SPTAN1: variants seen among roughly 807,000 people sequenced by gnomAD.
SPTAN1 encodes spectrin alpha, non-erythrocytic 1, also known as spectrin alpha chain, non-erythrocytic 1.
Under a neutral mutation model 331.3 loss-of-function variants are expected in SPTAN1, and 61 were observed. The observed-to-expected ratio is 0.18, with a 90% confidence interval of 0.15 to 0.23. The LOEUF is 0.23. Ranked by LOEUF, SPTAN1 falls within the 10% of genes least tolerant of loss-of-function variation. SPTAN1 has a pLI of 1.00. For missense variants in SPTAN1, 2,043 were observed against 3,147.9 expected (o/e 0.65, Z 8.40); for synonymous variants, 1,153 against 1,173.9 (o/e 0.98, Z 0.36).
intron 37 of SPTAN1, among the ~76,000 whole-genome samples, chr9:128,610,709 A>G (rs1489827557): frequency 2.0e-5 from 3 of 152,204 alleles, no homozygotes; most frequent in Non-Finnish European, 4.4e-5. Context: ...ATGGATTCAT[A>G]AAAACCATAT....
intron 24 of SPTAN1, 29 bp downstream of exon 24, chr9:128,594,402 A>C (rs556030395): frequency 2.3e-5 from 33 of 1,451,554 alleles, no homozygotes; most frequent in Non-Finnish European, 3.2e-5. Context: ...CTCAGCTGAA[A>C]ATTTGTTTAA....
At chr9:128,592,934 A>G in intron 22 of SPTAN1, 49 bp from the exon 23 acceptor site, 3 of 1,559,416 alleles carry the variant, frequency 1.9e-6, no homozygotes, top group Non-Finnish European at 2.6e-6. Flanking sequence ...ATCCCTGTGG[A>G]TTAACCCCAC....
In SPTAN1 at chr9:128,633,562, T is replaced by G; in HGVS notation, c.*228T>G. ...TGAAGCAGCTGCCCTCATTCCGACT[T>G]CAGAAAATCGAAGCAGCTGGCTCCT... On this transcript the variant is annotated 3_prime_UTR_variant, in exon 57 of 57. Transcript: ENST00000372739. 1 of 1,066,398 alleles carries G rather than the reference T, an allele frequency of 9.4e-7. No individual in the cohort carries two copies. 66.1% of individuals were successfully genotyped at this position (1,066,398 alleles called of 1,614,324 possible).
intron 26 of SPTAN1, chr9:128,599,242 C>G (rs933914020): frequency 4.2e-6 from 2 of 478,546 alleles, no homozygotes; most frequent in African/African-American, 3.9e-5. Context: ...TCAAGCGATT[C>G]TCCCATCTCA....
Position 128,585,739 on chromosome 9 carries a change from A to G in SPTAN1, c.2561-9A>G. The G allele has an allele frequency of 1.9e-6, 3 of 1,613,350 alleles. No individual in the cohort carries two copies. Among genetic ancestry groups the G allele is most frequent in the South Asian group, 2.2e-5 (2 of 91,068 alleles). ...TTTTTGTTATCCTCTTTCCCTACCC[A>G]TCTTCCAGGCCATTTTGCTGCAGAG... On this transcript the variant is annotated splice_polypyrimidine_tract_variant and intron_variant, in intron 18 of 56. Coordinates refer to ENST00000372739, the MANE Select transcript of SPTAN1 (RefSeq NM_001130438.3).
At chr9:128,572,358 G>A (rs757550644) in intron 3 of SPTAN1, among the ~76,000 whole-genome samples, 1 of 152,096 alleles carries the variant, frequency 6.6e-6, no homozygotes, top group Non-Finnish European at 1.5e-5. Context: ...GCCCACTCAC[G>A]CTCTCAAATA....
rs1488475831 is a variant in SPTAN1, at chr9:128,584,540, C to T, written c.2437+15C>T. On this transcript the variant is annotated intron_variant, in intron 17 of 56. Transcript: ENST00000372739. ...TACCAACAGAGGTCAGTCTGCTTCC[C>T]TCAGGTAGGAATCAACTTGGGAAAG... 6.2e-7 allele frequency: 1 copy of T among 1,613,918 alleles called. No homozygotes were observed. Among genetic ancestry groups the T allele is most frequent in the African/African-American group, 1.3e-5 (1 of 74,908 alleles).
rs546089356 is a variant in SPTAN1 at position 128,592,924 on chromosome 9, A to G, written c.3156-59A>G. 41 of 1,520,312 alleles carry G rather than the reference A, an allele frequency of 2.7e-5. No individual in the cohort carries two copies. In the Admixed American group the frequency reaches 5.3e-4, roughly 20 times the overall value. 94.2% of individuals were successfully genotyped at this position (1,520,312 alleles called of 1,614,324 possible). A position where few individuals can be genotyped will look rare whatever the true frequency, so the allele number is the denominator to read the frequency against. ...GCACCAGTCGGAGCTGCTGCCTTTC[A>G]TCCCTGTGGATTAACCCCACTAATT... On this transcript the variant is annotated intron_variant, in intron 22 of 56. Transcript: ENST00000372739.
chr9:128,606,374 C>CAAAAAAAAAAAAAAAAAAAA (rs59257779), intron 31 of SPTAN1, among the ~76,000 whole-genome samples: 1 of 58,744 alleles, frequency 1.7e-5, no homozygotes, highest in Non-Finnish European at 3.1e-5. Flanking sequence ...GACTCTGCCT[C>CAAAAAAAAAAAAAAAAAAAA]AAAAAAAAAA....
intron 36 of SPTAN1, 27 bp from the exon 37 acceptor site, chr9:128,609,623 CT>C: frequency 6.6e-7 from 1 of 1,519,628 alleles, no homozygotes; most frequent in Non-Finnish European, 8.8e-7. Context: ...GTGTACTGAA[CT>C]CTTGTTCTTT....
intron 23 of SPTAN1, 34 bp from the exon 24 acceptor site, chr9:128,594,141 T>C (rs1853908517): frequency 3.7e-6 from 6 of 1,611,920 alleles, no homozygotes; most frequent in Non-Finnish European, 5.1e-6. Flanking sequence ...ACTGCCTTCC[T>C]TGTCCCTCTT....
intron 1 of SPTAN1, among the ~76,000 whole-genome samples, chr9:128,555,620 CTTTTT>C (rs751209866): frequency 3.2e-4 from 16 of 49,444 alleles, no homozygotes; most frequent in Non-Finnish European, 6.8e-4. Context: ...TTTGCAAAGC[CTTTTT>C]TTTTTTTTTT....
chr9:128,611,607 C>G, intron 37 of SPTAN1, 107 bp from the exon 38 acceptor site: 1 of 1,327,046 alleles, frequency 7.5e-7, no homozygotes, highest in Admixed American at 1.9e-5. Flanking sequence ...GCATTTACCC[C>G]AGTTCTTTAT....
In SPTAN1 at chr9:128,627,190, T is replaced by A. The variant is rs1255746642; in HGVS notation, c.6577-196T>A. 3.1e-6 allele frequency: 2 copies of A among 649,224 alleles called. No individual in the cohort carries two copies. Among genetic ancestry groups the A allele is most frequent in the South Asian group, 1.6e-5 (1 of 60,908 alleles). The allele number at this position is 649,224 out of a possible 1,614,324, so 40.2% of individuals were successfully genotyped here. A position where few individuals can be genotyped will look rare whatever the true frequency, so the allele number is the denominator to read the frequency against. ...CTTCCCTCCAGGTCCGCCTCTTCCTTGAAGCCCCTGGGGGGTGGGAACAGA... is the reference window on the plus strand; with the variant it reads ...CTTCCCTCCAGGTCCGCCTCTTCCTAGAAGCCCCTGGGGGGTGGGAACAGA... On this transcript the variant is annotated intron_variant, in intron 49 of 56. Transcript: ENST00000372739. This position sits in a 1 kb window ranked among gnomAD's most constrained non-coding sequence, Gnocchi z 4.9.
At position 128,583,866 on chromosome 9, in the gene SPTAN1, T is replaced by C; in HGVS notation, c.2090T>C (p.Val697Ala). ...VEDIELWLYE[V>A]EGHLASDDYG... Reference sequence around the variant, plus strand: ...GATATTGAATTGTGGCTATATGAAGTAGAAGGTCACTTGGCTTCGGATGAT... The same window carrying C: ...GATATTGAATTGTGGCTATATGAAGCAGAAGGTCACTTGGCTTCGGATGAT... The change falls in exon 16 of 57, where the codon GTA (valine) becomes GCA (alanine). Residue 697 changes from valine (V) to alanine (A), a missense_variant. Val to Ala is a moderately conservative substitution (Grantham distance 64). Transcript: ENST00000372739. 1 of 1,614,212 alleles carries C rather than the reference T, an allele frequency of 6.2e-7. No individual in the cohort carries two copies. Among genetic ancestry groups the C allele is most frequent in the Non-Finnish European group, 8.5e-7 (1 of 1,180,034 alleles).
At chr9:128,559,100 G>T (rs1390971998) in intron 1 of SPTAN1, among the ~76,000 whole-genome samples, 1 of 152,144 alleles carries the variant, frequency 6.6e-6, no homozygotes, top group Non-Finnish European at 1.5e-5. Context: ...CAGATACCCA[G>T]CTCCCCAGAG....
At chr9:128,632,375 GAC>G (rs760049403) in intron 53 of SPTAN1, 52 bp downstream of exon 53, 61 of 1,613,504 alleles carry the variant, frequency 3.8e-5, no homozygotes, top group African/African-American at 3.1e-4. Context: ...GGGAGGAAAA[GAC>G]ACAGTCACCT....
At chr9:128,585,574 G>A (rs1005066687) in intron 18 of SPTAN1, among the ~76,000 whole-genome samples, 174 bp from the exon 19 acceptor site, 1 of 152,114 alleles carries the variant, frequency 6.6e-6, no homozygotes, top group African/African-American at 2.4e-5. Flanking sequence ...AAATGAAACA[G>A]TCCATTAGAG....
At chr9:128,593,363 T>C (rs1589252434) in intron 23 of SPTAN1, 1 of 406,200 alleles carries the variant, frequency 2.5e-6, no homozygotes, top group East Asian at 4.8e-5. Flanking sequence ...TTTTCCTTAG[T>C]AGGAAGGAAA....
Sources: gnomAD v4.1 joint callset for allele counts (sites outside exome capture counted in the v4.1 genomes callset) on GRCh38, gnomAD v4.1.1 for gene constraint, Gnocchi (gnomAD v3.1) non-coding constraint, MANE v1.5 for transcripts, NCBI Gene and HGNC (gene_info 2026-07-23, HGNC 2026-07-21) for gene names.